FAM227B: variants seen among roughly 807,000 people sequenced by gnomAD.
The protein encoded by FAM227B is family with sequence similarity 227 member B.
Under a neutral mutation model 73.8 loss-of-function variants are expected in FAM227B, and 88 were observed. That is an observed-to-expected ratio of 1.19 (90% CI 1.00 to 1.42). The LOEUF (loss-of-function observed/expected upper bound fraction) is 1.42, where lower values mean the gene tolerates loss of function less well. Ranked by LOEUF, FAM227B falls within the 40% of genes most tolerant of loss-of-function variation. FAM227B has a pLI of 0.00. For synonymous variants in FAM227B, 210 were observed against 190.5 expected (o/e 1.10, Z -0.84); for missense variants, 632 against 590.9 (o/e 1.07, Z -0.72).
At chr15:49,369,285 C>T (rs1321441984) in intron 12 of FAM227B, among the ~76,000 whole-genome samples, 3 of 152,060 alleles carry the variant, frequency 2.0e-5, no homozygotes, top group Admixed American at 6.6e-5. Context: ...AGCAGAATGT[C>T]GCAAGTTGAC....
At chr15:49,378,086 G>A (rs2046286683) in intron 11 of FAM227B, among the ~76,000 whole-genome samples, 2 of 152,118 alleles carry the variant, frequency 1.3e-5, no homozygotes, top group African/African-American at 2.4e-5. Flanking sequence ...TGGAGATCTA[G>A]TTTTCTCAGC....
chr15:49,540,142 G>A (rs185804928), intron 10 of FAM227B, among the ~76,000 whole-genome samples: 69 of 152,308 alleles, frequency 4.5e-4, no homozygotes, highest in African/African-American at 1.6e-3. Context: ...AGAGCCAGCA[G>A]TGTCCTGTGT....
chr15:49,506,435 A>G (rs2058588840), intron 11 of FAM227B, among the ~76,000 whole-genome samples: 1 of 152,062 alleles, frequency 6.6e-6, no homozygotes, highest in African/African-American at 2.4e-5. Flanking sequence ...GATACAGAAG[A>G]TCTGAATAAT....
intron 13 of FAM227B, among the ~76,000 whole-genome samples, chr15:49,363,964 C>CCTA (rs1452737506): frequency 2.0e-5 from 3 of 152,116 alleles, no homozygotes; most frequent in Non-Finnish European, 4.4e-5. Flanking sequence ...AGAGGTAAAG[C>CCTA]CTACTTTGTC....
chr15:49,382,063 T>G (rs2046571538), intron 11 of FAM227B, among the ~76,000 whole-genome samples: 2 of 152,034 alleles, frequency 1.3e-5, no homozygotes, highest in Admixed American at 1.3e-4. Context: ...CTCCCCCAAA[T>G]AAATTATAAA....
At chr15:49,596,481 GAAAACAAAACAAAAC>G (rs57026759) in intron 3 of FAM227B, among the ~76,000 whole-genome samples, 28 of 150,574 alleles carry the variant, frequency 1.9e-4, no homozygotes, top group Non-Finnish European at 3.3e-4. Flanking sequence ...AACAAATCTT[GAAAACAAAACAAAAC>G]AAAACAAAAC....
intron 11 of FAM227B, among the ~76,000 whole-genome samples, chr15:49,498,605 C>T (rs1019607243): frequency 3.9e-5 from 6 of 152,156 alleles, no homozygotes; most frequent in East Asian, 1.9e-4. Flanking sequence ...ATATAAAAAG[C>T]GTATTTCAAA....
intron 8 of FAM227B, among the ~76,000 whole-genome samples, chr15:49,568,756 T>C (rs2074862278): frequency 6.6e-6 from 1 of 152,026 alleles, no homozygotes; most frequent in Admixed American, 6.6e-5. Flanking sequence ...TGTATAATCC[T>C]TTTAATATGC....
At chr15:49,611,919 A>G (rs2077949818) in intron 2 of FAM227B, among the ~76,000 whole-genome samples, 1 of 152,130 alleles carries the variant, frequency 6.6e-6, no homozygotes, top group African/African-American at 2.4e-5. Context: ...ATAACAAATT[A>G]AAAGTCACTT....
At chr15:49,489,856 TA>T (rs1567382710) in intron 11 of FAM227B, among the ~76,000 whole-genome samples, 117 of 9,572 alleles carry the variant, frequency 0.012, 13 homozygotes, top group African/African-American at 0.022. Flanking sequence ...TATATATATA[TA>T]TTTTATATAT....
At position 49,576,864 on chromosome 15, in the gene FAM227B, A is replaced by T; in HGVS notation, c.442-19T>A. ...TGCAACCCTAGAAAGAGGAAAATAT[A>T]ACAGGAGAGTAAATATTTCACTCTT... On this transcript the variant is annotated intron_variant, in intron 6 of 15. Transcript: ENST00000299338. The T allele has an allele frequency of 6.9e-7, 1 of 1,448,016 alleles. No homozygotes were observed. The highest frequency in any genetic ancestry group is 9.7e-7 in the Non-Finnish European group (1 of 1,035,784). 89.7% of individuals were successfully genotyped at this position (1,448,016 alleles called of 1,614,324 possible). A position where few individuals can be genotyped will look rare whatever the true frequency, so the allele number is the denominator to read the frequency against.
rs76849187 is a variant in FAM227B, at chr15:49,492,727, T to G, written c.1012+15484A>C. Reference sequence around the variant, plus strand: ...GGTTAAATCACAGGTGATATTTTATTGTCTTCTAAATACTTCATTTTCAAA... The same window carrying G: ...GGTTAAATCACAGGTGATATTTTATGGTCTTCTAAATACTTCATTTTCAAA... On this transcript the variant is annotated intron_variant, in intron 11 of 15. Transcript: ENST00000299338. Among the ~76,000 whole-genome samples, 41 of 152,072 alleles carry G rather than the reference T, an allele frequency of 2.7e-4. No homozygotes were observed. In the East Asian group the frequency reaches 7.7e-3, roughly 29 times the overall value.
At chr15:49,527,738 A>G (rs2060307877) in intron 10 of FAM227B, among the ~76,000 whole-genome samples, 1 of 151,884 alleles carries the variant, frequency 6.6e-6, no homozygotes, top group South Asian at 2.1e-4. Flanking sequence ...ACCAAAACTC[A>G]GTCCCATTTA....
intron 11 of FAM227B, among the ~76,000 whole-genome samples, chr15:49,421,245 T>A (rs951044912): frequency 6.6e-6 from 1 of 152,196 alleles, no homozygotes; most frequent in African/African-American, 2.4e-5. Flanking sequence ...ATAAGCATAA[T>A]AAGGGCACAG....
chr15:49,452,837 G>A (rs1000060000), intron 11 of FAM227B, among the ~76,000 whole-genome samples: 4 of 152,080 alleles, frequency 2.6e-5, no homozygotes, highest in Non-Finnish European at 5.9e-5. Context: ...CTCAGCAAAC[G>A]TTAGCTGTTA....
At chr15:49,408,244 T>C (rs1418094270) in intron 11 of FAM227B, among the ~76,000 whole-genome samples, 1 of 152,230 alleles carries the variant, frequency 6.6e-6, no homozygotes, top group Non-Finnish European at 1.5e-5. Context: ...CAAATCTTTG[T>C]AGGTATTCTG....
intron 11 of FAM227B, among the ~76,000 whole-genome samples, chr15:49,376,160 A>T (rs961405694): frequency 2.6e-5 from 4 of 151,986 alleles, no homozygotes; most frequent in Non-Finnish European, 5.9e-5. Context: ...TTTATTTTTA[A>T]TTTTGTTGCT....
rs549252793 is a variant in FAM227B, at chr15:49,362,101, T to TG, written c.1271+5346dup. Among the ~76,000 whole-genome samples, 239 of 152,256 alleles carry TG rather than the reference T, an allele frequency of 1.6e-3. 1 individual carries two copies. Among genetic ancestry groups the TG allele is most frequent in the African/African-American group, 5.6e-3 (231 of 41,554 alleles). ...CACTTCTTAATGGGTTTGTTTGCTG[T>TG]GTGCTTGTTGATTTAAGTTCCTTAT... On this transcript the variant is annotated intron_variant, in intron 13 of 15. Coordinates refer to ENST00000299338, the MANE Select transcript of FAM227B (RefSeq NM_152647.3).
chr15:49,343,464 G>A (rs1449116940), intron 13 of FAM227B: 1 of 152,064 alleles, frequency 6.6e-6, no homozygotes, highest in Non-Finnish European at 1.5e-5. Flanking sequence ...ACACTCTAGT[G>A]CCTGTGTTTA....
Sources: allele counts gnomAD v4.1 joint callset (sites outside exome capture counted in the v4.1 genomes callset), GRCh38; gene constraint gnomAD v4.1.1; transcripts MANE v1.5; gene names NCBI Gene and HGNC (gene_info 2026-07-23, HGNC 2026-07-21).